Variants in NRG1 observed in about 807,000 individuals in gnomAD.
The protein encoded by NRG1 is neuregulin 1.
In NRG1, 18 loss-of-function variants were observed where a neutral mutation model predicts 63.8. The ratio of observed to expected loss-of-function variants is 0.28; its 90% CI spans 0.19 to 0.42. The LOEUF (loss-of-function observed/expected upper bound fraction) is 0.42. Among genes scored for constraint, NRG1 ranks in the 10% least tolerant of loss-of-function variants. The pLI is 1.00. For synonymous variants in NRG1, 302 were observed against 301.3 expected, an observed-to-expected ratio of 1.00 and a Z score of -0.02; for missense variants, 762 against 814.7, an observed-to-expected ratio of 0.94 and a Z score of 0.79.
intron 1 of NRG1, among the ~76,000 whole-genome samples, chr8:32,396,082 A>G (rs1362661213): frequency 6.6e-6 from 1 of 152,180 alleles, no homozygotes; most frequent in Non-Finnish European, 1.5e-5. Context: ...ATTGATCTAT[A>G]TATACTTATC....
Position 31,704,700 on chromosome 8 carries a change from C to T in NRG1, c.37+65269C>T, listed in dbSNP as rs186817131. Among the ~76,000 whole-genome samples the T allele has an allele frequency of 3.4e-3, 516 of 151,618 alleles. 6 individuals carry two copies. The highest frequency in any genetic ancestry group is 0.011 in the African/African-American group (443 of 41,388). ...ACAAAAAATTAGCCAGGCGTGGTGG[C>T]GGGCGCCTGTAGTCCCAGCTACTCG... On this transcript the variant is annotated intron_variant, in intron 1 of 10. Coordinates refer to the NRG1 transcript ENST00000519301.
chr8:32,722,817 T>A (rs563732694), intron 5 of NRG1, among the ~76,000 whole-genome samples: 1 of 152,282 alleles, frequency 6.6e-6, no homozygotes, highest in South Asian at 2.1e-4. Context: ...ATTGTTCAAT[T>A]TTATTTTATA....
intron 1 of NRG1, among the ~76,000 whole-genome samples, chr8:32,403,130 C>G (rs1813441983): frequency 1.3e-5 from 2 of 151,750 alleles, no homozygotes; most frequent in South Asian, 4.2e-4. Flanking sequence ...GAAACGCCGT[C>G]TCTACTAAAA....
rs76331716 is a variant in NRG1, at chr8:32,283,139, C to G, written c.38-312689C>G. ...CAATTTCTAGTGTGCCATACTACAT[C>G]TTTATTAGCATTCAGGATTATCTTC... On this transcript the variant is annotated intron_variant, in intron 1 of 10. Coordinates refer to the NRG1 transcript ENST00000519301. Among the ~76,000 whole-genome samples, 236 of 152,242 alleles carry G rather than the reference C, an allele frequency of 1.6e-3. 2 individuals are homozygous for G. The highest frequency in any genetic ancestry group is 5.5e-3 in the African/African-American group (229 of 41,534).
intron 1 of NRG1, chr8:31,639,520 C>A: frequency 1.3e-6 from 2 of 1,501,774 alleles, no homozygotes; most frequent in Non-Finnish European, 1.8e-6. Flanking sequence ...AGGGCTCTCT[C>A]CCTCGCGCTC....
At chr8:32,025,213 G>A (rs989929267) in intron 1 of NRG1, among the ~76,000 whole-genome samples, 2 of 151,816 alleles carry the variant, frequency 1.3e-5, no homozygotes, top group African/African-American at 4.8e-5. Context: ...ATTTTTGCTT[G>A]CTTACATTTT....
chr8:32,139,666 A>G (rs1335308853), intron 1 of NRG1, among the ~76,000 whole-genome samples: 1 of 152,176 alleles, frequency 6.6e-6, no homozygotes, highest in East Asian at 1.9e-4. Context: ...GTAAGATTCA[A>G]TGCTTGGGTG....
At chr8:32,172,914 C>T (rs1183519504) in intron 1 of NRG1, among the ~76,000 whole-genome samples, 1 of 152,208 alleles carries the variant, frequency 6.6e-6, no homozygotes, top group Non-Finnish European at 1.5e-5. Context: ...CGAAAACACT[C>T]TGCAGGATAT....
At chr8:32,472,605 T>C (rs1563511392) in intron 1 of NRG1, among the ~76,000 whole-genome samples, 1 of 152,238 alleles carries the variant, frequency 6.6e-6, no homozygotes, top group Non-Finnish European at 1.5e-5. Context: ...AAGACGATTT[T>C]TGTGGTCTTC....
At position 32,620,713 on chromosome 8, in the gene NRG1, T is replaced by C. The variant is rs775658085; in HGVS notation, c.502+3828T>C. The stretch of plus-strand genomic sequence containing the variant: ...GTGGCAGCCCTGAAGTCTCAGCTAC[T>C]TGGGAGGCTGAGGTGGGAGGATCAC... On this transcript the variant is annotated intron_variant, in intron 5 of 11. Coordinates refer to ENST00000356819, the Ensembl canonical transcript of NRG1. 8.6e-5 allele frequency among the ~76,000 whole-genome samples: 13 copies of C among 151,950 alleles called. No individual in the cohort carries two copies. In the South Asian group the frequency reaches 2.3e-3, roughly 27 times the overall value.
At chr8:32,766,228 C>T (rs1831418990) in exon 12 of NRG1, 1 of 152,174 alleles carries the variant, frequency 6.6e-6, no homozygotes, top group African/African-American at 2.4e-5. Context: ...CTCCCACATG[C>T]TCCTACAATC....
intron 7 of NRG1, among the ~76,000 whole-genome samples, chr8:32,747,866 G>C (rs1827773190): frequency 6.6e-6 from 1 of 151,728 alleles, no homozygotes; most frequent in South Asian, 2.1e-4. Context: ...CGAGAATACA[G>C]TAAATGGCCC....
intron 1 of NRG1, among the ~76,000 whole-genome samples, chr8:32,563,027 T>C (rs1040864906): frequency 7.2e-5 from 11 of 152,226 alleles, no homozygotes; most frequent in Non-Finnish European, 1.3e-4. Context: ...AACAAGGTTG[T>C]TTAACCCATG....
intron 1 of NRG1, among the ~76,000 whole-genome samples, chr8:32,118,918 A>G (rs949232604): frequency 1.3e-5 from 2 of 152,118 alleles, no homozygotes; most frequent in Admixed American, 1.3e-4. Flanking sequence ...TTGAGAAAAG[A>G]GACCAAAGAG....
chr8:31,731,818 G>A (rs1344487068), intron 1 of NRG1, among the ~76,000 whole-genome samples: 1 of 152,138 alleles, frequency 6.6e-6, no homozygotes, highest in Admixed American at 6.5e-5. Context: ...TAGCACAATA[G>A]TAGTTGGCAT....
chr8:32,034,416 T>A (rs189282906), intron 1 of NRG1, among the ~76,000 whole-genome samples: 18 of 152,324 alleles, frequency 1.2e-4, no homozygotes, highest in African/African-American at 4.3e-4. Flanking sequence ...GTTTTCTTTT[T>A]TTGCTGTTAT....
intron 1 of NRG1, among the ~76,000 whole-genome samples, chr8:31,885,908 G>A (rs879211006): frequency 6.6e-6 from 1 of 151,972 alleles, no homozygotes; most frequent in Admixed American, 6.6e-5. Context: ...CACACTGCTG[G>A]GTAATCTGGT....
intron 1 of NRG1, among the ~76,000 whole-genome samples, chr8:31,857,921 C>G (rs965751520): frequency 2.0e-5 from 3 of 152,070 alleles, no homozygotes; most frequent in Admixed American, 6.5e-5. Flanking sequence ...GAGATGAGAG[C>G]CTTGAAGATG....
intron 1 of NRG1, among the ~76,000 whole-genome samples, chr8:32,027,426 T>TTCCC (rs1817565748): frequency 9.6e-6 from 1 of 103,912 alleles, no homozygotes; most frequent in Non-Finnish European, 1.9e-5. Flanking sequence ...CCTTCCTTCC[T>TTCCC]TCCTTCCTTC....
Sources: allele counts gnomAD v4.1 joint callset (sites outside exome capture counted in the v4.1 genomes callset), GRCh38; gene constraint gnomAD v4.1.1; transcripts MANE v1.5; gene names NCBI Gene and HGNC (gene_info 2026-07-23, HGNC 2026-07-21).